The following AMD1 variants were observed in gnomAD, a reference collection of about 807,000 sequenced individuals.
The protein encoded by AMD1 is adenosylmethionine decarboxylase 1.
In AMD1, 11 loss-of-function variants were observed where a neutral mutation model predicts 40.2. That is an observed-to-expected ratio of 0.27 (90% CI 0.17 to 0.45). The LOEUF is 0.45. Ranked by LOEUF, AMD1 falls within the 20% of genes least tolerant of loss-of-function variation. AMD1 has a pLI of 1.00. For synonymous variants in AMD1, 121 were observed against 130.8 expected (o/e 0.93, Z 0.51); for missense variants, 257 against 410.2 (o/e 0.63, Z 3.23).
chr6:110,867,004 G>A, the AMD1 span, among the ~76,000 whole-genome samples: 3 of 151,706 alleles, frequency 2.0e-5, no homozygotes, highest in Non-Finnish European at 4.4e-5. Flanking sequence ...TAGTAGAGAC[G>A]GGGTTTCACC....
At chr6:110,815,085 C>T in the AMD1 span, 1 of 1,603,818 alleles carries the variant, frequency 6.2e-7, no homozygotes, top group Non-Finnish European at 8.5e-7. Flanking sequence ...TCAAACAAAT[C>T]CTCCACCCGC....
intron 2 of AMD1, among the ~76,000 whole-genome samples, chr6:110,887,943 C>T (rs1490678575): frequency 6.6e-6 from 1 of 152,134 alleles, no homozygotes; most frequent in Non-Finnish European, 1.5e-5. Context: ...ACCTCGGCCT[C>T]CCAAAGTGCT....
At chr6:110,815,655 C>G in the AMD1 span, 1 of 152,924 alleles carries the variant, frequency 6.5e-6, no homozygotes, top group Middle Eastern at 3.1e-3. Flanking sequence ...CGCACGGCTC[C>G]CGGTTCCTGT....
At chr6:110,822,629 A>T in the AMD1 span, among the ~76,000 whole-genome samples, 40 of 152,350 alleles carry the variant, frequency 2.6e-4, no homozygotes, top group Admixed American at 7.2e-4. Context: ...ATTTAAAAAA[A>T]CAATGAAATC....
the AMD1 span, among the ~76,000 whole-genome samples, chr6:110,816,912 G>GTAA: frequency 6.6e-6 from 1 of 152,142 alleles, no homozygotes; most frequent in Non-Finnish European, 1.5e-5. Flanking sequence ...AGGTCAGGAT[G>GTAA]TAATATAAGT....
the AMD1 span, chr6:110,814,740 GT>G: frequency 3.2e-6 from 2 of 627,146 alleles, no homozygotes; most frequent in Non-Finnish European, 5.9e-6. Context: ...TCCCCCCGCC[GT>G]CTCCGAGCAC....
chr6:110,884,849 C>T (rs1373117606), intron 1 of AMD1, among the ~76,000 whole-genome samples: 7 of 152,114 alleles, frequency 4.6e-5, no homozygotes, highest in Non-Finnish European at 7.4e-5. Context: ...TTTGTTAGTG[C>T]GTCCAGTGGG....
chr6:110,840,453 T>C, the AMD1 span, among the ~76,000 whole-genome samples: 1 of 152,118 alleles, frequency 6.6e-6, no homozygotes. Flanking sequence ...ATGAATTTGC[T>C]GGAGCAGCTC....
At chr6:110,874,377 C>G (rs1252407283), upstream of AMD1, among the ~76,000 whole-genome samples, 1 of 152,204 alleles carries the variant, frequency 6.6e-6, no homozygotes, top group African/African-American at 2.4e-5. Context: ...ATCAAAACCA[C>G]CACGCCAACC....
chr6:110,838,343 C>T, the AMD1 span, among the ~76,000 whole-genome samples: 4 of 150,496 alleles, frequency 2.7e-5, no homozygotes, highest in South Asian at 2.1e-4. Flanking sequence ...GAGCTGAGAT[C>T]GTGCCACTGC....
the AMD1 span, among the ~76,000 whole-genome samples, chr6:110,827,405 A>C: frequency 6.6e-6 from 1 of 151,758 alleles, no homozygotes; most frequent in Non-Finnish European, 1.5e-5. Context: ...AGCCTCCCAA[A>C]GTGCTAAGTT....
At chr6:110,885,796 A>T (rs1230912535) in intron 1 of AMD1, among the ~76,000 whole-genome samples, 3 of 152,138 alleles carry the variant, frequency 2.0e-5, no homozygotes, top group African/African-American at 7.2e-5. Flanking sequence ...AGATTTTTGG[A>T]TGGGTATTGG....
intron 1 of AMD1, among the ~76,000 whole-genome samples, chr6:110,880,962 G>A (rs1019344758): frequency 6.6e-6 from 1 of 152,180 alleles, no homozygotes; most frequent in Non-Finnish European, 1.5e-5. Flanking sequence ...ACATAGAGAA[G>A]TCTTGTTATA....
chr6:110,878,316 AAACTT>A (rs937236795), intron 1 of AMD1, among the ~76,000 whole-genome samples: 2 of 152,206 alleles, frequency 1.3e-5, no homozygotes, highest in Non-Finnish European at 2.9e-5. Context: ...CACTTTAAAC[AAACTT>A]GGCTCATCAG....
At chr6:110,819,334 G>A in the AMD1 span, among the ~76,000 whole-genome samples, 1 of 152,100 alleles carries the variant, frequency 6.6e-6, no homozygotes, top group Admixed American at 6.6e-5. Flanking sequence ...TCCAGCCTGG[G>A]CAACAAGATC....
At chr6:110,841,286 A>T in the AMD1 span, among the ~76,000 whole-genome samples, 5 of 152,324 alleles carry the variant, frequency 3.3e-5, no homozygotes, top group East Asian at 9.6e-4. Flanking sequence ...GTTATAAATG[A>T]TAGTTTCTTT....
intron 8 of AMD1, 123 bp from the exon 9 acceptor site, chr6:110,893,353 A>G: frequency 3.0e-6 from 4 of 1,344,240 alleles, no homozygotes; most frequent in Non-Finnish European, 4.1e-6. Context: ...GCACATAAGA[A>G]GGCAGCTAAA....
the AMD1 span, chr6:110,815,418 G>A: frequency 3.4e-6 from 1 of 293,082 alleles, no homozygotes; most frequent in Non-Finnish European, 6.3e-6. Context: ...TCCTTGTTTT[G>A]GAACCTGGTG....
the AMD1 span, among the ~76,000 whole-genome samples, chr6:110,831,059 T>C: frequency 6.6e-6 from 1 of 152,204 alleles, no homozygotes; most frequent in African/African-American, 2.4e-5. Context: ...TTATTTTCTC[T>C]GATATTTACT....
Sources: allele counts gnomAD v4.1 joint callset (sites outside exome capture counted in the v4.1 genomes callset), GRCh38; gene constraint gnomAD v4.1.1; transcripts MANE v1.5; gene names NCBI Gene and HGNC (gene_info 2026-07-23, HGNC 2026-07-21).